The following ABHD10 variants were observed in gnomAD, a reference collection of about 807,000 sequenced individuals.
ABHD10 encodes the protein palmitoyl-protein thioesterase ABHD10, mitochondrial.
Under a neutral mutation model 33.1 loss-of-function variants are expected in ABHD10, and 22 were observed. That is an observed-to-expected ratio of 0.66 (90% confidence interval 0.47 to 0.95). The LOEUF is 0.95. ABHD10 is among the 40% of genes least tolerant of loss of function. The probability of loss-of-function intolerance (pLI) is 0.00; values close to 1 mark genes in which losing one functional copy is unlikely to be tolerated. For synonymous variants in ABHD10, 146 were observed against 133.9 expected, an observed-to-expected ratio of 1.09 and a Z score of -0.62; for missense variants, 352 against 379.9, an observed-to-expected ratio of 0.93 and a Z score of 0.61.
At chr3:111,979,265 A>C (rs750473378) in intron 1 of ABHD10, 62 bp downstream of exon 1, 53 of 1,535,586 alleles carry the variant, frequency 3.5e-5, no homozygotes, top group Admixed American at 5.8e-5. Context: ...TCCGTCAGTT[A>C]CCGTGCCTGT....
rs748402319 is a variant in ABHD10 at position 111,979,026 on chromosome 3, A to C, written c.-36A>C. The C allele has an allele frequency of 4.3e-5, 69 of 1,592,970 alleles. No homozygotes were observed. Among genetic ancestry groups the C allele is most frequent in the Non-Finnish European group, 5.4e-5 (63 of 1,166,630 alleles). ...GGTTCCGTTGCGTAGCGTGTCCCTC[A>C]GTGGGACACTGCAGGGTGCGGGGAC... On this transcript the variant is annotated 5_prime_UTR_variant, in exon 1 of 5. Coordinates refer to ENST00000273359, the MANE Select transcript of ABHD10 (RefSeq NM_018394.4).
Position 111,991,601 on chromosome 3 carries a change from A to G in ABHD10, c.801A>G (p.Thr267=). 1 of 1,614,110 alleles carries G rather than the reference A, an allele frequency of 6.2e-7. No homozygotes were observed. Among genetic ancestry groups the G allele is most frequent in the Non-Finnish European group, 8.5e-7 (1 of 1,179,974 alleles). Residue 267 remains threonine (T), a synonymous_variant, in exon 5 of 5, where the codon ACA becomes ACG. Coordinates refer to ENST00000273359, the MANE Select transcript of ABHD10 (RefSeq NM_018394.4). The part of the protein sequence containing the change: ...SMQVADRVLS[T]DVDVILRKHS... ...AGGTTGCCGATCGAGTACTCAGCAC[A>G]GATGTGGATGTCATCCTCCGAAAAC...
Position 111,981,813 on chromosome 3 carries a change from C to G in ABHD10, c.172C>G (p.Leu58Val). 6.3e-7 allele frequency: 1 copy of G among 1,585,448 alleles called. No individual in the cohort carries two copies. Among genetic ancestry groups the G allele is most frequent in the Non-Finnish European group, 8.6e-7 (1 of 1,159,558 alleles). The change falls in exon 2 of 5, where the codon CTT becomes GTT. Residue 58 changes from leucine to valine, a missense_variant. Coordinates refer to ENST00000273359, the MANE Select transcript of ABHD10 (RefSeq NM_018394.4). ...ACRQKTSLSF[L>V]NRPDLPNLAY... ...TAGACAAAAGACGTCACTCTCATTC[C>G]TTAATCGACCAGACCTTCCAAACCT...
rs1310324948 is a variant in ABHD10 at position 111,987,019 on chromosome 3, T to C, written c.544T>C (p.Leu182=). ...TGGTGTAGCTACAGCTGCAGATACC[T>C]TAGTGACAAAGTTTAATCAGCTTCC... ...LIGVATAADT[L]VTKFNQLPVE... Residue 182 remains leucine (L), a synonymous_variant, in exon 4 of 5, where the codon TTA becomes CTA. Coordinates refer to ENST00000273359, the MANE Select transcript of ABHD10 (RefSeq NM_018394.4). 6.2e-7 allele frequency: 1 copy of C among 1,612,740 alleles called. No individual in the cohort carries two copies. The highest frequency in any genetic ancestry group is 8.5e-7 in the Non-Finnish European group (1 of 1,179,794).
chr3:111,980,146 CTTACA>C (rs1303359620), intron 1 of ABHD10, among the ~76,000 whole-genome samples: 1 of 151,992 alleles, frequency 6.6e-6, no homozygotes, highest in Non-Finnish European at 1.5e-5. Context: ...CTACTTAGAA[CTTACA>C]TTAAATAAAT....
intron 2 of ABHD10, 50 bp from the exon 3 acceptor site, chr3:111,986,214 G>A (rs1316715000): frequency 9.9e-7 from 1 of 1,009,150 alleles, no homozygotes; most frequent in East Asian, 2.6e-5. Context: ...AAAAATTAAA[G>A]AAGCAGATAT....
rs148066846 is a variant in ABHD10, at chr3:111,981,893, T to C, written c.252T>C (p.Tyr84=). The change falls in exon 2 of 5, where the codon TAT becomes TAC. Residue 84 remains tyrosine (Y), a synonymous_variant. Coordinates refer to ENST00000273359, the MANE Select transcript of ABHD10 (RefSeq NM_018394.4). ...KSPGIIFIPG[Y]LSYMNGTKAL... is the part of the protein sequence containing the mutation. ...CAGGAATTATCTTCATCCCTGGCTA[T>C]CTTTCTTATATGAATGGTACAAAAG... is the stretch of plus-strand genomic sequence containing the variant. The C allele has an allele frequency of 8.2e-4, 1,327 of 1,608,830 alleles. 11 individuals are homozygous for C. In the African/African-American group the frequency reaches 0.013, roughly 16 times the overall value.
rs561959687 is a variant in ABHD10 at position 111,979,128 on chromosome 3, G to C, written c.67G>C (p.Val23Leu). 2.2e-5 allele frequency: 36 copies of C among 1,613,046 alleles called. No homozygotes were observed. The South Asian group carries it at 3.7e-4, about 17-fold the overall frequency. The change falls in exon 1 of 5, where the codon GTC becomes CTC. Residue 23 changes from valine (V) to leucine (L), a missense_variant. Val to Leu is a conservative substitution (Grantham distance 32). Coordinates refer to ENST00000273359, the MANE Select transcript of ABHD10 (RefSeq NM_018394.4). ...VPCRSWGWAA[V>L]PFGPHRGLSV... ...TTGTCGGAGCTGGGGCTGGGCAGCC[G>C]TCCCCTTCGGTCCCCACCGTGGCCT...
At chr3:111,986,411 A>G (rs757366411) in intron 3 of ABHD10, 36 bp downstream of exon 3, 5 of 1,398,878 alleles carry the variant, frequency 3.6e-6, no homozygotes, top group Non-Finnish European at 5.0e-6. Flanking sequence ...TAATTACTGT[A>G]ACCTCGTATT....
rs773347508 is a variant in ABHD10, at chr3:111,981,777, T to G, written c.143-7T>G. 1.3e-6 allele frequency: 2 copies of G among 1,527,934 alleles called. No individual in the cohort carries two copies. Among genetic ancestry groups the G allele is most frequent in the East Asian group, 4.6e-5 (2 of 43,740 alleles). 94.6% of individuals were successfully genotyped at this position (1,527,934 alleles called of 1,614,324 possible). On this transcript the variant is annotated splice_polypyrimidine_tract_variant and splice_region_variant and intron_variant, in intron 1 of 4. Coordinates refer to ENST00000273359, the MANE Select transcript of ABHD10 (RefSeq NM_018394.4). ...ACCATAGTTTACTTTTTGTGTACTT[T>G]GTTTAGCTTGTAGACAAAAGACGTC...
In ABHD10 at chr3:111,992,054, G is replaced by A. The variant is rs113879483; in HGVS notation, c.*333G>A. ...TTCTAATTAGGATTATTAATAAAGC[G>A]TGAATATTTTGTTTTTTATTATAGA... On this transcript the variant is annotated 3_prime_UTR_variant, in exon 5 of 5. Coordinates refer to ENST00000273359, the MANE Select transcript of ABHD10 (RefSeq NM_018394.4). 7.4e-4 allele frequency: 124 copies of A among 167,846 alleles called. No homozygotes were observed. The highest frequency in any genetic ancestry group is 2.0e-3 in the African/African-American group (84 of 42,058). The allele number at this position is 167,846 out of a possible 1,614,324, so 10.4% of individuals were successfully genotyped here. A position where few individuals can be genotyped will look rare whatever the true frequency, so the allele number is the denominator to read the frequency against.
chr3:111,984,030 C>T (rs2072621024), intron 2 of ABHD10, among the ~76,000 whole-genome samples: 4 of 152,066 alleles, frequency 2.6e-5, no homozygotes, highest in Admixed American at 2.6e-4. Flanking sequence ...AGGAGCTGTA[C>T]AAGTATTTTG....
chr3:111,981,665 A>C (rs1450984247), intron 1 of ABHD10, 119 bp from the exon 2 acceptor site: 2 of 919,268 alleles, frequency 2.2e-6, no homozygotes, highest in Non-Finnish European at 3.1e-6. Context: ...TTTTCTATTA[A>C]ATGGAAATAG....
intron 2 of ABHD10, among the ~76,000 whole-genome samples, chr3:111,984,014 T>G (rs2072620817): frequency 6.6e-6 from 1 of 152,180 alleles, no homozygotes; most frequent in Admixed American, 6.5e-5. Context: ...ATATTTTCCT[T>G]CATGAAGGAG....
chr3:111,981,958 C>G lies in ABHD10; in HGVS notation c.317C>G (p.Ala106Gly), dbSNP rs749195101. 5.2e-6 allele frequency: 8 copies of G among 1,551,244 alleles called. No homozygotes were observed. Among genetic ancestry groups the G allele is most frequent in the Non-Finnish European group, 7.0e-6 (8 of 1,136,290 alleles). ...IEEFCKSLGH[A>G]CIRFDYSGVG... is the part of the protein sequence containing the mutation. ...GAGTTTTGCAAATCTCTAGGTCACG[C>G]CTGCATAAGGTAGGAACAACACATT... The change falls in exon 2 of 5, where the codon GCC (alanine) becomes GGC (glycine). Residue 106 changes from alanine to glycine, a missense_variant. Transcript: ENST00000273359.
chr3:111,991,754 T>C lies in ABHD10; in HGVS notation c.*33T>C. On this transcript the variant is annotated 3_prime_UTR_variant, in exon 5 of 5. Coordinates refer to ENST00000273359, the MANE Select transcript of ABHD10 (RefSeq NM_018394.4). ...TGTTTAGTTGGTATGTAAACTAATG[T>C]ATCCAGAAGATTGGAAGAGGGATAA... 2 of 1,495,254 alleles carry C rather than the reference T, an allele frequency of 1.3e-6. No individual in the cohort carries two copies. Among genetic ancestry groups the C allele is most frequent in the South Asian group, 2.4e-5 (2 of 81,906 alleles). The allele number at this position is 1,495,254 out of a possible 1,614,324, so 92.6% of individuals were successfully genotyped here.
Position 111,981,825 on chromosome 3 carries a change from G to A in ABHD10, c.184G>A (p.Asp62Asn). The part of the protein sequence containing the change: ...KTSLSFLNRP[D>N]LPNLAYKKLK... ...GTCACTCTCATTCCTTAATCGACCA[G>A]ACCTTCCAAACCTGGCTTATAAGAA... Residue 62 changes from aspartate (D) to asparagine (N), a missense_variant, in exon 2 of 5, where the codon GAC (aspartate) becomes AAC (asparagine). Physicochemically the swap from Asp to Asn is conservative, Grantham distance 23. Transcript: ENST00000273359. The A allele has an allele frequency of 6.3e-7, 1 of 1,597,718 alleles. No homozygotes were observed. Among genetic ancestry groups the A allele is most frequent in the Non-Finnish European group, 8.6e-7 (1 of 1,168,428 alleles).
intron 4 of ABHD10, among the ~76,000 whole-genome samples, chr3:111,988,943 G>A (rs539501068): frequency 2.0e-4 from 30 of 152,122 alleles, no homozygotes; most frequent in Non-Finnish European, 3.5e-4. Flanking sequence ...TGAGCATAGG[G>A]TAGATACTTT....
At position 111,992,200 on chromosome 3, in the gene ABHD10, G is replaced by A. The variant is rs1402056875; in HGVS notation, c.*479G>A. 2.7e-5 allele frequency: 4 copies of A among 149,818 alleles called. No homozygotes were observed. Among genetic ancestry groups the A allele is most frequent in the Non-Finnish European group, 4.4e-5 (3 of 68,188 alleles). 9.3% of individuals were successfully genotyped at this position (149,818 alleles called of 1,614,324 possible). On this transcript the variant is annotated 3_prime_UTR_variant, in exon 5 of 5. Coordinates refer to ENST00000273359, the MANE Select transcript of ABHD10 (RefSeq NM_018394.4). Reference sequence around the variant, plus strand: ...AGAAGCATAATAAAGTTCACAATAAGGATAATACTTTATATAATGTATAAA... The same window carrying A: ...AGAAGCATAATAAAGTTCACAATAAAGATAATACTTTATATAATGTATAAA...
Sources: gnomAD v4.1 joint callset for allele counts (sites outside exome capture counted in the v4.1 genomes callset) on GRCh38, gnomAD v4.1.1 for gene constraint, MANE v1.5 for transcripts, NCBI Gene and HGNC (gene_info 2026-07-23, HGNC 2026-07-21) for gene names.